Variants in MEGF11 observed in about 807,000 individuals in gnomAD.
The protein encoded by MEGF11 is multiple epidermal growth factor-like domains protein 11.
A neutral mutation model predicts 146.6 loss-of-function variants in MEGF11; 126 were observed. The observed-to-expected ratio is 0.86, with a 90% CI of 0.74 to 1.00. MEGF11 has a LOEUF of 1.00. MEGF11 is among the 50% of genes least tolerant of loss of function. The pLI is 0.00. For synonymous variants in MEGF11, 532 were observed against 583.4 expected, an observed-to-expected ratio of 0.91 and a Z score of 1.27; for missense variants, 1,509 against 1,521.2, an observed-to-expected ratio of 0.99 and a Z score of 0.13.
At chr15:66,151,355 A>C (rs1378147287) in intron 1 of MEGF11, among the ~76,000 whole-genome samples, 1 of 152,118 alleles carries the variant, frequency 6.6e-6, no homozygotes, top group African/African-American at 2.4e-5. Context: ...GGGCTGAGCC[A>C]CCTCGGGGGG....
intron 7 of MEGF11, among the ~76,000 whole-genome samples, chr15:65,975,136 T>G (rs1317777133): frequency 1.3e-5 from 2 of 152,134 alleles, no homozygotes; most frequent in Non-Finnish European, 2.9e-5. Flanking sequence ...CATGAACCAC[T>G]ATGCCCAGCC....
chr15:66,201,231 C>T (rs1250708704), intron 1 of MEGF11, among the ~76,000 whole-genome samples: 1 of 152,182 alleles, frequency 6.6e-6, no homozygotes, highest in Non-Finnish European at 1.5e-5. Context: ...GCTCACCTAT[C>T]CCTCTCGCCC....
At chr15:66,175,756 T>C (rs982324627) in intron 1 of MEGF11, among the ~76,000 whole-genome samples, 1 of 152,150 alleles carries the variant, frequency 6.6e-6, no homozygotes, top group Non-Finnish European at 1.5e-5. Context: ...AGCATATTGA[T>C]CTAGGTGAAG....
chr15:66,115,978 C>T (rs1250460428), intron 4 of MEGF11, among the ~76,000 whole-genome samples: 1 of 152,196 alleles, frequency 6.6e-6, no homozygotes, highest in East Asian at 1.9e-4. Flanking sequence ...AGCCGCCCAG[C>T]CTGTGGTACT....
intron 8 of MEGF11, among the ~76,000 whole-genome samples, chr15:65,966,102 TCTC>T (rs2081086996): frequency 6.6e-6 from 1 of 152,146 alleles, no homozygotes; most frequent in African/African-American, 2.4e-5. Context: ...TTCAAGCTAT[TCTC>T]CTGCCTCAGC....
At chr15:65,976,979 C>G (rs1001466930) in intron 7 of MEGF11, among the ~76,000 whole-genome samples, 1 of 152,018 alleles carries the variant, frequency 6.6e-6, no homozygotes, top group African/African-American at 2.4e-5. Flanking sequence ...ACCGTCCTGT[C>G]TAACACGGTG....
chr15:66,148,198 G>A (rs1166936577), intron 1 of MEGF11, among the ~76,000 whole-genome samples: 3 of 152,162 alleles, frequency 2.0e-5, no homozygotes, highest in Admixed American at 6.5e-5. Flanking sequence ...GACTCCCTGA[G>A]TGGGCAGGGG....
rs528462930 is a variant in MEGF11 at position 66,077,472 on chromosome 15, G to A, written c.394+16930C>T. 3.3e-5 allele frequency among the ~76,000 whole-genome samples: 5 copies of A among 152,298 alleles called. No homozygotes were observed. The South Asian group carries it at 1.0e-3, about 32-fold the overall frequency. ...GAAGCATTGGAAGATCACGTGATAT[G>A]GCTTTGCATTCTCTCAAGCATCCAA... On this transcript the variant is annotated intron_variant, in intron 5 of 25. Transcript: ENST00000395614.
chr15:66,252,000 C>G (rs1306818072), intron 1 of MEGF11, among the ~76,000 whole-genome samples: 2 of 152,228 alleles, frequency 1.3e-5, no homozygotes, highest in African/African-American at 4.8e-5. Flanking sequence ...CAGAGGGACC[C>G]TCTCCGGAAA....
chr15:66,188,402 A>G (rs1393509451), intron 1 of MEGF11, among the ~76,000 whole-genome samples: 1 of 152,188 alleles, frequency 6.6e-6, no homozygotes, highest in Non-Finnish European at 1.5e-5. Flanking sequence ...GAAGAAAAAA[A>G]AAAACCTTGC....
At chr15:66,094,379 T>C (rs2086447361) in intron 5 of MEGF11, 23 bp downstream of exon 5, 2 of 1,545,936 alleles carry the variant, frequency 1.3e-6, no homozygotes, top group Non-Finnish European at 1.8e-6. Flanking sequence ...GGGTGCCTCC[T>C]GACCCCCAAA....
chr15:66,220,275 G>C (rs189711996), intron 1 of MEGF11, among the ~76,000 whole-genome samples: 2 of 150,784 alleles, frequency 1.3e-5, no homozygotes, highest in Admixed American at 1.3e-4. Flanking sequence ...ACTTTGTTAC[G>C]GCAGCCCTAG....
intron 5 of MEGF11, among the ~76,000 whole-genome samples, chr15:66,026,113 T>A (rs1196038780): frequency 6.6e-6 from 1 of 152,192 alleles, no homozygotes; most frequent in African/African-American, 2.4e-5. Context: ...GACAGGGGAT[T>A]TCCCCCACTC....
chr15:65,954,536 A>G (rs527488405), intron 10 of MEGF11, among the ~76,000 whole-genome samples: 1 of 152,284 alleles, frequency 6.6e-6, no homozygotes, highest in South Asian at 2.1e-4. Flanking sequence ...GAGCCTTTCC[A>G]GGAATAACGA....
intron 9 of MEGF11, among the ~76,000 whole-genome samples, chr15:65,963,073 T>C (rs561505991): frequency 3.2e-4 from 49 of 152,242 alleles, no homozygotes; most frequent in African/African-American, 1.1e-3. Flanking sequence ...ACCCTTTAAT[T>C]TGGGGCTTGG....
At position 65,977,166 on chromosome 15, in the gene MEGF11, C is replaced by CAAAAAA. The variant is rs372969314; in HGVS notation, c.762+3606_762+3611dup. Among the ~76,000 whole-genome samples, 3 of 91,306 alleles carry CAAAAAA rather than the reference C, an allele frequency of 3.3e-5. 1 individual carries two copies. Among genetic ancestry groups the CAAAAAA allele is most frequent in the Admixed American group, 1.3e-4 (1 of 7,582 alleles). The allele number at this position is 91,306 out of a possible 152,430, so 59.9% of individuals were successfully genotyped here. ...CCTGGGCAAGATTGAGACTCCGTCT[C>CAAAAAA]AAAAAAAAAAGAGGATCTTGGCTAA... On this transcript the variant is annotated intron_variant, in intron 7 of 25. Coordinates refer to ENST00000395614, the MANE Select transcript of MEGF11 (RefSeq NM_001385028.1).
intron 11 of MEGF11, among the ~76,000 whole-genome samples, chr15:65,930,108 C>A (rs1033809355): frequency 6.6e-6 from 1 of 152,318 alleles, no homozygotes; most frequent in South Asian, 2.1e-4. Context: ...GTTTGTGCTG[C>A]AGGCAGATGA....
intron 16 of MEGF11, 136 bp downstream of exon 16, chr15:65,917,830 G>T: frequency 1.1e-6 from 1 of 947,930 alleles, no homozygotes; most frequent in Non-Finnish European, 1.6e-6. Context: ...AGAGCTAAAT[G>T]GGGCTCATTC....
At chr15:66,106,725 A>T (rs1407846391) in intron 4 of MEGF11, among the ~76,000 whole-genome samples, 1 of 152,080 alleles carries the variant, frequency 6.6e-6, no homozygotes, top group Admixed American at 6.6e-5. Context: ...ACACATGCAG[A>T]CTCACAATCC....
Sources: allele counts gnomAD v4.1 joint callset (sites outside exome capture counted in the v4.1 genomes callset), GRCh38; gene constraint gnomAD v4.1.1; transcripts MANE v1.5; gene names NCBI Gene and HGNC (gene_info 2026-07-23, HGNC 2026-07-21).